The following SIRPB1 variants were observed in gnomAD, a reference collection of about 807,000 sequenced individuals.
SIRPB1 encodes the protein signal-regulatory protein beta-1.
A neutral mutation model predicts 34.1 loss-of-function variants in SIRPB1; 28 were observed. That is an observed-to-expected ratio of 0.82 (90% CI 0.61 to 1.12). The LOEUF (loss-of-function observed/expected upper bound fraction) is 1.12. Ranked by LOEUF, SIRPB1 falls within the 50% of genes most tolerant of loss-of-function variation. The pLI is 0.00. For missense variants in SIRPB1, 499 were observed against 507.0 expected (o/e 0.98, Z 0.15); for synonymous variants, 211 against 203.8 (o/e 1.04, Z -0.30).
In SIRPB1 at chr20:1,571,839, G is replaced by A; in HGVS notation, c.632C>T (p.Thr211Ile). The change falls in exon 3 of 6, where the codon ACA becomes ATA. Residue 211 changes from threonine to isoleucine, a missense_variant. Physicochemically the swap from Thr to Ile is moderately conservative, Grantham distance 89. Coordinates refer to ENST00000381605, the MANE Select transcript of SIRPB1 (RefSeq NM_006065.5). The stretch of plus-strand genomic sequence containing the variant: ...CCCACGGGTCAGCACCACCCTGGCT[G>A]TGCTGTGGATGCTGTAGGACACACT... ...GDSVSYSIHSTARVVLTRGDV... is the reference protein window; with the variant it reads ...GDSVSYSIHSIARVVLTRGDV... 1 of 1,614,260 alleles carries A rather than the reference G, an allele frequency of 6.2e-7. No individual in the cohort carries two copies. Among genetic ancestry groups the A allele is most frequent in the Admixed American group, 1.7e-5 (1 of 60,034 alleles).
rs900804839 is a variant in SIRPB1 at position 1,564,570 on chromosome 20, C to T, written c.*930G>A. 1 of 202,312 alleles carries T rather than the reference C, an allele frequency of 4.9e-6. No individual in the cohort carries two copies. The highest frequency in any genetic ancestry group is 9.9e-6 in the Non-Finnish European group (1 of 100,924). The allele number at this position is 202,312 out of a possible 1,614,324, so 12.5% of individuals were successfully genotyped here. A position where few individuals can be genotyped will look rare whatever the true frequency, so the allele number is the denominator to read the frequency against. On this transcript the variant is annotated 3_prime_UTR_variant, in exon 6 of 6. Coordinates refer to ENST00000381605, the MANE Select transcript of SIRPB1 (RefSeq NM_006065.5). ...CCCAAAGAGATGATGCTGGCTGGGACAGGGAGGGGTGGTGGAGGTGAGAGG... is the reference window on the plus strand; with the variant it reads ...CCCAAAGAGATGATGCTGGCTGGGATAGGGAGGGGTGGTGGAGGTGAGAGG...
At chr20:1,568,847 A>G (rs2091182263) in intron 4 of SIRPB1, among the ~76,000 whole-genome samples, 1 of 152,182 alleles carries the variant, frequency 6.6e-6, no homozygotes, top group Non-Finnish European at 1.5e-5. Flanking sequence ...AGAGCAGATA[A>G]TTAATGAAAC....
chr20:1,566,687 G>T (rs1334500831), intron 4 of SIRPB1, among the ~76,000 whole-genome samples: 1 of 152,160 alleles, frequency 6.6e-6, no homozygotes, highest in Non-Finnish European at 1.5e-5. Flanking sequence ...GTCCCCAAGG[G>T]TGACTCCTGA....
At position 1,619,901 on chromosome 20, in the gene SIRPB1, A is replaced by T; in HGVS notation, c.44T>A (p.Leu15Gln). The change falls in exon 1 of 6, where the codon CTG (leucine) becomes CAG (glutamine). Residue 15 changes from leucine (L) to glutamine (Q), a missense_variant. Transcript: ENST00000381605. Reference sequence around the variant, plus strand: ...TCTCCCCAGCAGTAGCGTCATCAGCAGGAAAGGACTAGGAAGGTGGGGCCA... The same window carrying T: ...TCTCCCCAGCAGTAGCGTCATCAGCTGGAAAGGACTAGGAAGGTGGGGCCA... ...ASWPHLPSPF[L>Q]LMTLLLGRLT... 1.2e-6 allele frequency: 2 copies of T among 1,613,958 alleles called. No homozygotes were observed. Among genetic ancestry groups the T allele is most frequent in the Non-Finnish European group, 1.7e-6 (2 of 1,179,862 alleles).
chr20:1,592,518 A>T lies in SIRPB1; in HGVS notation c.77-13824T>A, dbSNP rs188136308. Among the ~76,000 whole-genome samples, 6 of 48,522 alleles carry T rather than the reference A, an allele frequency of 1.2e-4. 3 individuals are homozygous for T. Among genetic ancestry groups the T allele is most frequent in the Non-Finnish European group, 2.4e-4 (6 of 25,332 alleles). The allele number at this position is 48,522 out of a possible 152,430, so 31.8% of individuals were successfully genotyped here. ...TATAGTAGTATGAGAATGGACTAAT[A>T]CAGTGCCCTCTTCTCCTTCAGAGTA... On this transcript the variant is annotated intron_variant, in intron 1 of 5. Transcript: ENST00000381605.
Position 1,562,234 on chromosome 20 carries a change from A to G in SIRPB1, c.*3266T>C, listed in dbSNP as rs185642238. ...ATTTTTGATGGAATGTTTTAAACAGAAAGAAGAGAGAGTAGTCTTTAAAGA... is the reference window on the plus strand; with the variant it reads ...ATTTTTGATGGAATGTTTTAAACAGGAAGAAGAGAGAGTAGTCTTTAAAGA... On this transcript the variant is annotated 3_prime_UTR_variant, in exon 6 of 6. Transcript: ENST00000381605. Among the ~76,000 whole-genome samples, 1 of 152,266 alleles carries G rather than the reference A, an allele frequency of 6.6e-6. No individual in the cohort carries two copies. Among genetic ancestry groups the G allele is most frequent in the Admixed American group, 6.5e-5 (1 of 15,300 alleles).
In SIRPB1 at chr20:1,611,675, C is replaced by T. The variant is rs769763085; in HGVS notation, c.76+8194G>A. The T allele has an allele frequency of 1.7e-5, 19 of 1,124,252 alleles. 5 individuals are homozygous for T. In the South Asian group the frequency reaches 2.6e-4, roughly 16 times the overall value. The allele number at this position is 1,124,252 out of a possible 1,614,324, so 69.6% of individuals were successfully genotyped here. ...CCAGCTGCAACTGATATGGACTTGT[C>T]AGGCTGAATCACCTGCAGCTCTTCC... is the stretch of plus-strand genomic sequence containing the variant. On this transcript the variant is annotated intron_variant, in intron 1 of 5. Coordinates refer to ENST00000381605, the MANE Select transcript of SIRPB1 (RefSeq NM_006065.5).
rs1391050799 is a variant in SIRPB1 at position 1,593,468 on chromosome 20, T to C, written c.77-14774A>G. 4.0e-5 allele frequency among the ~76,000 whole-genome samples: 2 copies of C among 49,484 alleles called. 1 individual carries two copies. The allele number at this position is 49,484 out of a possible 152,430, so 32.5% of individuals were successfully genotyped here. A position where few individuals can be genotyped will look rare whatever the true frequency, so the allele number is the denominator to read the frequency against. On this transcript the variant is annotated intron_variant, in intron 1 of 5. Transcript: ENST00000381605. The stretch of plus-strand genomic sequence containing the variant: ...ACTATAATGAGAATGTTATAGATTA[T>C]GCATTTGTATTAATGGCATTTCTTA...
Position 1,563,063 on chromosome 20 carries a change from A to G in SIRPB1, c.*2437T>C, listed in dbSNP as rs536976174. Among the ~76,000 whole-genome samples the G allele has an allele frequency of 5.9e-5, 9 of 152,230 alleles. No homozygotes were observed. The highest frequency in any genetic ancestry group is 1.0e-4 in the Non-Finnish European group (7 of 68,040). ...TAATAAAAGGGCTGAAGATGTCCCA[A>G]AGGTTGAAATGCCAGCAAAAAACTT... On this transcript the variant is annotated 3_prime_UTR_variant, in exon 6 of 6. Transcript: ENST00000381605.
Position 1,612,476 on chromosome 20 carries a change from G to A in SIRPB1, c.76+7393C>T, listed in dbSNP as rs1353710803. ...TGACTTCTTTAGACCCTTGAGTTAC[G>A]AGCAGAAGTGATGGGTATAATTTGT... On this transcript the variant is annotated intron_variant, in intron 1 of 5. Coordinates refer to ENST00000381605, the MANE Select transcript of SIRPB1 (RefSeq NM_006065.5). Among the ~76,000 whole-genome samples the A allele has an allele frequency of 4.2e-5, 3 of 71,632 alleles. 1 individual carries two copies. Among genetic ancestry groups the A allele is most frequent in the Non-Finnish European group, 7.8e-5 (3 of 38,422 alleles). 47.0% of individuals were successfully genotyped at this position (71,632 alleles called of 152,430 possible). A position where few individuals can be genotyped will look rare whatever the true frequency, so the allele number is the denominator to read the frequency against.
chr20:1,570,461 G>A (rs2091213240), intron 4 of SIRPB1: 1 of 194,320 alleles, frequency 5.1e-6, no homozygotes, highest in Non-Finnish European at 1.1e-5. Flanking sequence ...CTGTGCTGGC[G>A]AGAAATGCAG....
At chr20:1,616,156 C>A (rs1008145352) in intron 1 of SIRPB1, among the ~76,000 whole-genome samples, 1 of 152,172 alleles carries the variant, frequency 6.6e-6, no homozygotes, top group Non-Finnish European at 1.5e-5. Flanking sequence ...AAGAGATCTA[C>A]AGATTCAATT....
intron 1 of SIRPB1, among the ~76,000 whole-genome samples, chr20:1,618,346 C>T (rs548379889): frequency 2.6e-4 from 40 of 152,260 alleles, no homozygotes; most frequent in South Asian, 2.1e-4. Context: ...ACTTTGGAGC[C>T]GGTCGACCTG....
rs954647259 is a variant in SIRPB1, at chr20:1,585,745, G to A, written c.77-7051C>T. On this transcript the variant is annotated intron_variant, in intron 1 of 5. Transcript: ENST00000381605. Reference sequence around the variant, plus strand: ...TGATCCAGCAATCTCACTACTGAGCGTATATCCAAAGGAAATGACATCAGC... The same window carrying A: ...TGATCCAGCAATCTCACTACTGAGCATATATCCAAAGGAAATGACATCAGC... Among the ~76,000 whole-genome samples, 5 of 48,516 alleles carry A rather than the reference G, an allele frequency of 1.0e-4. 2 individuals carry two copies. The highest frequency in any genetic ancestry group is 2.7e-4 in the African/African-American group (2 of 7,394). The allele number at this position is 48,516 out of a possible 152,430, so 31.8% of individuals were successfully genotyped here. A position where few individuals can be genotyped will look rare whatever the true frequency, so the allele number is the denominator to read the frequency against.
At position 1,609,439 on chromosome 20, in the gene SIRPB1, G is replaced by A. The variant is rs1191487119; in HGVS notation, c.76+10430C>T. On this transcript the variant is annotated intron_variant, in intron 1 of 5. Coordinates refer to ENST00000381605, the MANE Select transcript of SIRPB1 (RefSeq NM_006065.5). ...AAGCTATGTGTCTTCTGGAGATTCCGTTTTTTGCCTTTCCAAATTCCAGAG... is the reference window on the plus strand; with the variant it reads ...AAGCTATGTGTCTTCTGGAGATTCCATTTTTTGCCTTTCCAAATTCCAGAG... 2.8e-5 allele frequency among the ~76,000 whole-genome samples: 2 copies of A among 71,730 alleles called. 1 individual carries two copies. 47.1% of individuals were successfully genotyped at this position (71,730 alleles called of 152,430 possible).
At position 1,588,909 on chromosome 20, in the gene SIRPB1, G is replaced by A. The variant is rs2091433743; in HGVS notation, c.77-10215C>T. Among the ~76,000 whole-genome samples the A allele has an allele frequency of 4.1e-5, 2 of 49,148 alleles. 1 individual carries two copies. Among genetic ancestry groups the A allele is most frequent in the Non-Finnish European group, 7.8e-5 (2 of 25,510 alleles). 32.2% of individuals were successfully genotyped at this position (49,148 alleles called of 152,430 possible). A position where few individuals can be genotyped will look rare whatever the true frequency, so the allele number is the denominator to read the frequency against. ...CAACTGAGGCCTGTGTTCTGTCCAC[G>A]TGGCCCCCTTCCCCATCTTCAGGTC... On this transcript the variant is annotated intron_variant, in intron 1 of 5. Transcript: ENST00000381605.
chr20:1,578,471 G>T lies in SIRPB1; in HGVS notation c.300C>A (p.Asn100Lys), dbSNP rs773200973. 9 of 1,583,976 alleles carry T rather than the reference G, an allele frequency of 5.7e-6. No homozygotes were observed. The highest frequency in any genetic ancestry group is 7.8e-6 in the Non-Finnish European group (9 of 1,157,748). The stretch of plus-strand genomic sequence containing the variant: ...TACTGATGCTGATGGAAAAGTCCAG[G>T]TTGTTTCTCTTTGTGAGTTCTGAAA... ...TTVSELTKRNNLDFSISISNI... is the reference protein window; with the variant it reads ...TTVSELTKRNKLDFSISISNI... Residue 100 changes from asparagine (N) to lysine (K), a missense_variant, in exon 2 of 6, where the codon AAC becomes AAA. Asn to Lys is a moderately conservative substitution (Grantham distance 94). Coordinates refer to ENST00000381605, the MANE Select transcript of SIRPB1 (RefSeq NM_006065.5).
rs1341672486 is a variant in SIRPB1 at position 1,582,222 on chromosome 20, G to A, written c.77-3528C>T. ...CATGATGGCTATATATTTCCTCAGG[G>A]CCTTGATGCAAAAATAATGCTCTTT... is the stretch of plus-strand genomic sequence containing the variant. On this transcript the variant is annotated intron_variant, in intron 1 of 5. Coordinates refer to ENST00000381605, the MANE Select transcript of SIRPB1 (RefSeq NM_006065.5). 4.1e-5 allele frequency among the ~76,000 whole-genome samples: 2 copies of A among 48,614 alleles called. 1 individual carries two copies. Among genetic ancestry groups the A allele is most frequent in the African/African-American group, 2.7e-4 (2 of 7,378 alleles). The allele number at this position is 48,614 out of a possible 152,430, so 31.9% of individuals were successfully genotyped here.
chr20:1,612,608 G>A (rs1176505337), intron 1 of SIRPB1, among the ~76,000 whole-genome samples: 1 of 72,148 alleles, frequency 1.4e-5, no homozygotes, highest in Non-Finnish European at 2.6e-5. Flanking sequence ...GTGAATGACC[G>A]TTGCATGCAG....
Sources: gnomAD v4.1 joint callset for allele counts (sites outside exome capture counted in the v4.1 genomes callset) on GRCh38, gnomAD v4.1.1 for gene constraint, MANE v1.5 for transcripts, NCBI Gene and HGNC (gene_info 2026-07-23, HGNC 2026-07-21) for gene names.